The following FBXO38 variants were observed in gnomAD, a reference collection of about 807,000 sequenced individuals.
The protein encoded by FBXO38 is F-box only protein 38.
FBXO38 carries 53 observed loss-of-function variants against 131.9 expected under a neutral mutation model. That is an observed-to-expected ratio of 0.40 (90% CI 0.32 to 0.51). The LOEUF (loss-of-function observed/expected upper bound fraction) is 0.51. Among genes scored for constraint, FBXO38 ranks in the 20% least tolerant of loss-of-function variants. The probability of loss-of-function intolerance (pLI) is 0.53; values close to 1 mark genes in which losing one functional copy is unlikely to be tolerated. For missense variants in FBXO38, 1,076 were observed against 1,475.6 expected (o/e 0.73, Z 4.44); for synonymous variants, 452 against 505.6 (o/e 0.89, Z 1.42).
chr5:148,433,817 A>C, intron 17 of FBXO38, 80 bp downstream of exon 17: 1 of 700,824 alleles, frequency 1.4e-6, no homozygotes, highest in Non-Finnish European at 2.4e-6. Flanking sequence ...CTGTAATAGC[A>C]TTACTGTCTT....
At chr5:148,415,073 C>T (rs1752973625) in intron 10 of FBXO38, among the ~76,000 whole-genome samples, 1 of 152,052 alleles carries the variant, frequency 6.6e-6, no homozygotes, top group Non-Finnish European at 1.5e-5. Flanking sequence ...TGAGATCACT[C>T]GTTAATATAG....
chr5:148,388,232 A>G (rs1758020162), intron 1 of FBXO38, among the ~76,000 whole-genome samples: 1 of 152,212 alleles, frequency 6.6e-6, no homozygotes, highest in Non-Finnish European at 1.5e-5. Flanking sequence ...CTGTAAACAG[A>G]TGTGCTGTCT....
In FBXO38 at chr5:148,439,669, A is replaced by G. The variant is rs1020465041; in HGVS notation, c.3047A>G (p.Gln1016Arg). ...MQQVDTLTLE[Q>R]KLFSGPYPYH... The stretch of plus-strand genomic sequence containing the variant: ...CAGGTGGACACTCTAACTTTGGAGC[A>G]GAAGCTATTTAGTGGTCCCTACCCC... Residue 1016 changes from glutamine to arginine, a missense_variant, in exon 19 of 22, where the codon CAG becomes CGG. This residue lies in a region of FBXO38 where 282 missense variants were observed against 418.8 expected (regional missense o/e 0.67). Coordinates refer to ENST00000340253, the MANE Select transcript of FBXO38 (RefSeq NM_205836.3). The G allele has an allele frequency of 2.5e-6, 4 of 1,604,980 alleles. No individual in the cohort carries two copies. In the African/African-American group the frequency reaches 4.0e-5, roughly 16 times the overall value.
rs145266253 is a variant in FBXO38 at position 148,427,528 on chromosome 5, A to T, written c.2234A>T (p.Asp745Val). 12 of 1,614,060 alleles carry T rather than the reference A, an allele frequency of 7.4e-6. No homozygotes were observed. Among genetic ancestry groups the T allele is most frequent in the Non-Finnish European group, 8.5e-7 (1 of 1,180,032 alleles). ...GSSEPSPTEV[D>V]VSRQCACSPG... ...TCCGAGCCTAGCCCTACAGAAGTGG[A>T]TGTGTCCAGGCAGTGTGCCTGCTCC... The change falls in exon 15 of 22, where the codon GAT becomes GTT. Residue 745 changes from aspartate to valine, a missense_variant. By Grantham distance (152) the Asp-to-Val change is radical. This residue lies in a region of FBXO38 where 213 missense variants were observed against 225.2 expected (regional missense o/e 0.95). Coordinates refer to ENST00000340253, the MANE Select transcript of FBXO38 (RefSeq NM_205836.3).
chr5:148,401,841 A>T (rs887692195), intron 3 of FBXO38, 141 bp from the exon 4 acceptor site: 1 of 633,434 alleles, frequency 1.6e-6, no homozygotes, highest in African/African-American at 1.8e-5. Context: ...ATTTTCTGTT[A>T]TGTTTATTCA....
Position 148,427,494 on chromosome 5 carries a change from G to A in FBXO38, c.2200G>A (p.Gly734Ser), listed in dbSNP as rs140445029. 69 of 1,614,198 alleles carry A rather than the reference G, an allele frequency of 4.3e-5. No homozygotes were observed. In the African/African-American group the frequency reaches 7.2e-4, roughly 17 times the overall value. ...CGACTTTGTAAGGACGGTGAACAGC[G>A]GCGGCTCTTCCGAGCCTAGCCCTAC... is the stretch of plus-strand genomic sequence containing the variant. ...SPDFVRTVNS[G>S]GSSEPSPTEV... The change falls in exon 15 of 22, where the codon GGC becomes AGC. Residue 734 changes from glycine to serine, a missense_variant. Physicochemically the swap from Gly to Ser is moderately conservative, Grantham distance 56. Coordinates refer to ENST00000340253, the MANE Select transcript of FBXO38 (RefSeq NM_205836.3).
chr5:148,386,240 C>T (rs1414239048), intron 1 of FBXO38, among the ~76,000 whole-genome samples: 3 of 152,132 alleles, frequency 2.0e-5, no homozygotes, highest in Non-Finnish European at 4.4e-5. Context: ...CTCTGGAATG[C>T]AGGAAGACAA....
Position 148,427,501 on chromosome 5 carries a change from C to A in FBXO38, c.2207C>A (p.Ser736Tyr). ...GTAAGGACGGTGAACAGCGGCGGCT[C>A]TTCCGAGCCTAGCCCTACAGAAGTG... ...DFVRTVNSGG[S>Y]SEPSPTEVDV... is the part of the protein sequence containing the mutation. The change falls in exon 15 of 22, where the codon TCT becomes TAT. Residue 736 changes from serine to tyrosine, a missense_variant. Physicochemically the swap from Ser to Tyr is moderately radical, Grantham distance 144 (BLOSUM62 -2). Around this residue, in one of 8 missense-constraint regions of FBXO38, gnomAD observed 213 missense variants for 225.2 expected, o/e 0.95. Coordinates refer to ENST00000340253, the MANE Select transcript of FBXO38 (RefSeq NM_205836.3). 1 of 1,614,188 alleles carries A rather than the reference C, an allele frequency of 6.2e-7. No homozygotes were observed. The highest frequency in any genetic ancestry group is 8.5e-7 in the Non-Finnish European group (1 of 1,180,018).
chr5:148,422,370 A>G (rs763711220), intron 12 of FBXO38, among the ~76,000 whole-genome samples: 18 of 152,048 alleles, frequency 1.2e-4, no homozygotes, highest in Non-Finnish European at 2.1e-4. Context: ...CCATGTTTTC[A>G]TGGCTGGCTC....
chr5:148,409,350 G>T, intron 8 of FBXO38, 133 bp downstream of exon 8: 1 of 654,872 alleles, frequency 1.5e-6, no homozygotes. Flanking sequence ...TTTAAAATAC[G>T]AAGAAGTCCA....
At chr5:148,441,009 G>C (rs1754653417) in intron 20 of FBXO38, 115 bp from the exon 21 acceptor site, 1 of 725,152 alleles carries the variant, frequency 1.4e-6, no homozygotes, top group African/African-American at 1.8e-5. Flanking sequence ...AATGATTTGA[G>C]GACACCTGAC....
chr5:148,393,216 T>TGTGTGTGTGTGA (rs1758301180), intron 1 of FBXO38, among the ~76,000 whole-genome samples: 1 of 151,112 alleles, frequency 6.6e-6, no homozygotes, highest in Non-Finnish European at 1.5e-5. Context: ...TGTGTGTGTG[T>TGTGTGTGTGTGA]GTGTGTGTGT....
intron 1 of FBXO38, among the ~76,000 whole-genome samples, chr5:148,386,202 A>C (rs986605534): frequency 6.6e-6 from 1 of 152,170 alleles, no homozygotes; most frequent in African/African-American, 2.4e-5. Context: ...GAGCATCTAG[A>C]AGCCTTTCTC....
chr5:148,388,668 G>A (rs559594500), intron 1 of FBXO38, among the ~76,000 whole-genome samples: 20 of 152,008 alleles, frequency 1.3e-4, no homozygotes, highest in Non-Finnish European at 2.5e-4. Context: ...CACCTCTCTC[G>A]GCCTTCATAG....
In FBXO38 at chr5:148,406,255, A is replaced by G; in HGVS notation, c.731-2A>G. The G allele has an allele frequency of 6.4e-7, 1 of 1,556,204 alleles. No homozygotes were observed. Among genetic ancestry groups the G allele is most frequent in the Non-Finnish European group, 8.6e-7 (1 of 1,158,216 alleles). ...CTATCAAAGATTTTTTTTTTTTTCC[A>G]GGACCCACAAATTCCTTGAAATATG... On this transcript the variant is annotated splice_acceptor_variant, in intron 6 of 21. Coordinates refer to ENST00000340253, the MANE Select transcript of FBXO38 (RefSeq NM_205836.3). LOFTEE classifies it high-confidence loss of function.
intron 20 of FBXO38, 38 bp from the exon 21 acceptor site, chr5:148,441,086 C>A: frequency 6.7e-7 from 1 of 1,501,196 alleles, no homozygotes; most frequent in Non-Finnish European, 9.3e-7. Context: ...TCTGTCAGCA[C>A]TCCCACGCCA....
intron 2 of FBXO38, among the ~76,000 whole-genome samples, chr5:148,396,647 A>G (rs1758496258): frequency 6.6e-6 from 1 of 152,156 alleles, no homozygotes; most frequent in African/African-American, 2.4e-5. Flanking sequence ...TAATATGTAT[A>G]TATTTTTGAG....
chr5:148,423,184 T>C (rs1238418248), intron 12 of FBXO38, among the ~76,000 whole-genome samples: 1 of 152,152 alleles, frequency 6.6e-6, no homozygotes, highest in African/African-American at 2.4e-5. Flanking sequence ...GTCTAACATC[T>C]TTGCCAGAAT....
intron 5 of FBXO38, among the ~76,000 whole-genome samples, chr5:148,404,266 A>G (rs1385963799): frequency 4.6e-5 from 7 of 152,170 alleles, no homozygotes; most frequent in African/African-American, 1.7e-4. Flanking sequence ...TAGTTCTCCT[A>G]CTAGGGGGCA....
Sources: gnomAD v4.1 joint callset for allele counts (sites outside exome capture counted in the v4.1 genomes callset) on GRCh38, gnomAD v4.1.1 for gene constraint, gnomAD v4.1.1 regional missense constraint, MANE v1.5 for transcripts, NCBI Gene and HGNC (gene_info 2026-07-23, HGNC 2026-07-21) for gene names.